Variants in GABBR2 observed in about 807,000 individuals in gnomAD.
GABBR2 encodes the protein gamma-aminobutyric acid type B receptor subunit 2, also known as G-protein coupled receptor 51.
A neutral mutation model predicts 105.6 loss-of-function variants in GABBR2; 23 were observed. That is an observed-to-expected ratio of 0.22 (90% CI 0.16 to 0.31). The LOEUF is 0.31. Among genes scored for constraint, GABBR2 ranks in the 10% least tolerant of loss-of-function variants. The pLI, the probability that GABBR2 is intolerant of heterozygous loss-of-function variation, is 1.00. For missense variants in GABBR2, 734 were observed against 1,245.5 expected, an observed-to-expected ratio of 0.59 and a Z score of 6.18; for synonymous variants, 478 against 499.7, an observed-to-expected ratio of 0.96 and a Z score of 0.58.
intron 1 of GABBR2, among the ~76,000 whole-genome samples, chr9:98,706,825 G>A (rs1394229951): frequency 6.6e-6 from 1 of 152,260 alleles, no homozygotes; most frequent in Non-Finnish European, 1.5e-5. Flanking sequence ...AAACTGTCAA[G>A]AAGATATGCC....
At position 98,588,623 on chromosome 9, in the gene GABBR2, A is replaced by G. The variant is rs540546350; in HGVS notation, c.322-10551T>C. Among the ~76,000 whole-genome samples, 7 of 152,352 alleles carry G rather than the reference A, an allele frequency of 4.6e-5. No individual in the cohort carries two copies. In the South Asian group the frequency reaches 1.5e-3, roughly 32 times the overall value. ...GAGTAATTTGCCCCAAGTTGCACAC[A>G]GTGAGTGAGGGGCAGAGTTGGGAGT... On this transcript the variant is annotated intron_variant, in intron 1 of 18. Coordinates refer to ENST00000259455, the MANE Select transcript of GABBR2 (RefSeq NM_005458.8).
At chr9:98,389,106 A>C (rs1832133293) in intron 9 of GABBR2, 102 bp from the exon 10 acceptor site, 2 of 965,558 alleles carry the variant, frequency 2.1e-6, no homozygotes, top group African/African-American at 1.6e-5. Flanking sequence ...CCTGCGCACA[A>C]ACTCTACACA....
intron 2 of GABBR2, among the ~76,000 whole-genome samples, chr9:98,574,431 G>C (rs1284827088): frequency 2.6e-5 from 4 of 152,184 alleles, no homozygotes; most frequent in Non-Finnish European, 4.4e-5. Flanking sequence ...CCTCCACATG[G>C]AGAGGAGCCA....
intron 13 of GABBR2, among the ~76,000 whole-genome samples, chr9:98,325,076 G>A (rs1384798618): frequency 6.6e-6 from 1 of 151,972 alleles, no homozygotes; most frequent in Non-Finnish European, 1.5e-5. Flanking sequence ...CTCTGCCAAC[G>A]GCCCACTGTC....
chr9:98,646,452 T>C (rs149963410), intron 1 of GABBR2, among the ~76,000 whole-genome samples: 174 of 152,300 alleles, frequency 1.1e-3, no homozygotes, highest in African/African-American at 3.9e-3. Flanking sequence ...TGGTTTCCTC[T>C]GGACTTCTCC....
At chr9:98,437,849 A>G (rs1454635169) in intron 7 of GABBR2, among the ~76,000 whole-genome samples, 1 of 149,518 alleles carries the variant, frequency 6.7e-6, no homozygotes, top group Non-Finnish European at 1.5e-5. Flanking sequence ...CGCTGTCCAC[A>G]CATCTATCCA....
intron 13 of GABBR2, among the ~76,000 whole-genome samples, chr9:98,331,506 A>G (rs1831026034): frequency 7.1e-6 from 1 of 139,970 alleles, no homozygotes; most frequent in Non-Finnish European, 1.5e-5. Context: ...AGCACTTGCC[A>G]CCTACACTGC....
At chr9:98,668,937 C>T (rs1588276197) in intron 1 of GABBR2, among the ~76,000 whole-genome samples, 1 of 149,394 alleles carries the variant, frequency 6.7e-6, no homozygotes, top group East Asian at 2.0e-4. Context: ...TTTTGTTTAT[C>T]CTTTCATCTG....
chr9:98,393,070 CCACACACCCACT>C (rs1353137889), intron 9 of GABBR2, among the ~76,000 whole-genome samples: 8 of 136,860 alleles, frequency 5.8e-5, no homozygotes, highest in African/African-American at 1.8e-4. Context: ...ATCCATCCAT[CCACACACCCACT>C]CATCCACCCA....
At chr9:98,653,624 A>C (rs1164921076) in intron 1 of GABBR2, among the ~76,000 whole-genome samples, 1 of 152,192 alleles carries the variant, frequency 6.6e-6, no homozygotes, top group East Asian at 1.9e-4. Context: ...TATCAATTCA[A>C]AATCCAGCAG....
At chr9:98,411,761 G>C (rs1832595630) in intron 7 of GABBR2, among the ~76,000 whole-genome samples, 1 of 152,010 alleles carries the variant, frequency 6.6e-6, no homozygotes, top group Non-Finnish European at 1.5e-5. Flanking sequence ...GTTGAGATAG[G>C]GGTCTCAGTA....
chr9:98,639,199 C>A (rs1056938889), intron 1 of GABBR2, among the ~76,000 whole-genome samples: 198 of 152,326 alleles, frequency 1.3e-3, no homozygotes, highest in African/African-American at 4.4e-3. Flanking sequence ...GTCACTCCAT[C>A]CAGAGCACAT....
intron 14 of GABBR2, among the ~76,000 whole-genome samples, chr9:98,310,638 C>A (rs1588093428): frequency 6.6e-6 from 1 of 152,166 alleles, no homozygotes; most frequent in Admixed American, 6.5e-5. Flanking sequence ...AATCATTTAA[C>A]CTCTCTGAGG....
intron 7 of GABBR2, among the ~76,000 whole-genome samples, chr9:98,423,403 TCTTCTTTTGAGAAGTGTCTGTTCATAA>T (rs1206898597): frequency 1.4e-4 from 21 of 152,264 alleles, no homozygotes; most frequent in African/African-American, 4.8e-4. Flanking sequence ...TGCATAAATG[TCTTCTTTTGAGAAGTGTCTGTTCATAA>T]CCTTTGCCCA....
chr9:98,708,183 CACACACAT>C (rs1830926205), intron 1 of GABBR2, among the ~76,000 whole-genome samples: 1 of 152,134 alleles, frequency 6.6e-6, no homozygotes, highest in African/African-American at 2.4e-5. Flanking sequence ...CCCCTCCCCA[CACACACAT>C]ACACACATAA....
intron 1 of GABBR2, among the ~76,000 whole-genome samples, chr9:98,596,389 G>A (rs1829234108): frequency 6.6e-6 from 1 of 152,166 alleles, no homozygotes; most frequent in Non-Finnish European, 1.5e-5. Flanking sequence ...TTCCCAATGG[G>A]GGAAATAAAG....
intron 1 of GABBR2, among the ~76,000 whole-genome samples, chr9:98,583,210 T>C (rs146315764): frequency 7.4e-4 from 113 of 152,340 alleles, no homozygotes; most frequent in African/African-American, 2.5e-3. Flanking sequence ...CATGGATATA[T>C]CTGTCCCATT....
At chr9:98,413,024 G>A (rs1319391774) in intron 7 of GABBR2, among the ~76,000 whole-genome samples, 1 of 152,190 alleles carries the variant, frequency 6.6e-6, no homozygotes, top group Non-Finnish European at 1.5e-5. Flanking sequence ...AGGCTCCCAT[G>A]TATATATATT....
intron 13 of GABBR2, among the ~76,000 whole-genome samples, chr9:98,342,980 G>T (rs1831241358): frequency 6.6e-6 from 1 of 152,168 alleles, no homozygotes; most frequent in African/African-American, 2.4e-5. Context: ...GGAGATAGAA[G>T]GTAAGAGTTG....
Sources: allele counts gnomAD v4.1 joint callset (sites outside exome capture counted in the v4.1 genomes callset), GRCh38; gene constraint gnomAD v4.1.1; transcripts MANE v1.5; gene names NCBI Gene and HGNC (gene_info 2026-07-23, HGNC 2026-07-21).